PTH2R: variants seen among roughly 807,000 people sequenced by gnomAD.
PTH2R encodes PTH2 receptor.
A neutral mutation model predicts 60.3 loss-of-function variants in PTH2R; 59 were observed. That is an observed-to-expected ratio of 0.98 (90% CI 0.79 to 1.22). The LOEUF (loss-of-function observed/expected upper bound fraction) is 1.22, where lower values mean the gene tolerates loss of function less well. Among genes scored for constraint, PTH2R ranks in the 50% most tolerant of loss-of-function variants. The pLI is 0.00. For synonymous variants in PTH2R, 256 were observed against 243.8 expected (o/e 1.05, Z -0.47); for missense variants, 749 against 682.6 (o/e 1.10, Z -1.08).
chr2:208,438,954 G>C (rs182518594), intron 4 of PTH2R, among the ~76,000 whole-genome samples: 1 of 152,200 alleles, frequency 6.6e-6, no homozygotes, highest in Admixed American at 6.5e-5. Flanking sequence ...TCAATATGAG[G>C]AGATTGTTAG....
chr2:208,409,678 T>G (rs892743928), intron 1 of PTH2R, among the ~76,000 whole-genome samples: 1 of 152,124 alleles, frequency 6.6e-6, no homozygotes, highest in African/African-American at 2.4e-5. Flanking sequence ...AGACCAGTGC[T>G]CATCAATTGT....
At chr2:208,458,355 A>G (rs1331288435) in intron 8 of PTH2R, among the ~76,000 whole-genome samples, 1 of 152,220 alleles carries the variant, frequency 6.6e-6, no homozygotes, top group Non-Finnish European at 1.5e-5. Context: ...TATAATTTTT[A>G]AATTAAGTAC....
chr2:208,374,259 CTCTT>C (rs1408224036), intron 1 of PTH2R, among the ~76,000 whole-genome samples: 1 of 152,020 alleles, frequency 6.6e-6, no homozygotes, highest in African/African-American at 2.4e-5. Context: ...CTTTGGCTGA[CTCTT>C]TCTCCAAAAA....
rs200415935 is a variant in PTH2R at position 208,407,097 on chromosome 2, C to A, written c.54C>A (p.Ser18Arg). 5 of 1,396,314 alleles carry A rather than the reference C, an allele frequency of 3.6e-6. No individual in the cohort carries two copies. In the Admixed American group the frequency reaches 1.5e-4, roughly 42 times the overall value. The allele number at this position is 1,396,314 out of a possible 1,614,324, so 86.5% of individuals were successfully genotyped here. A position where few individuals can be genotyped will look rare whatever the true frequency, so the allele number is the denominator to read the frequency against. ...TCTGGGGTTGGCTAATGCTCGGCAG[C>A]TGCCTCCTGGCCAGAGCCCAGGTAA... The part of the protein sequence containing the change: ...LHVWGWLMLG[S>R]CLLARAQLDS... Residue 18 changes from serine to arginine, a missense_variant, in exon 1 of 13, where the codon AGC becomes AGA. Transcript: ENST00000272847.
chr2:208,397,501 G>C (rs1240713980), intron 1 of PTH2R, among the ~76,000 whole-genome samples: 2 of 152,172 alleles, frequency 1.3e-5, no homozygotes, highest in East Asian at 3.9e-4. Context: ...GACACATGTG[G>C]AGTGGCTTTA....
chr2:208,452,068 C>A (rs1422846306), intron 8 of PTH2R, among the ~76,000 whole-genome samples: 2 of 152,154 alleles, frequency 1.3e-5, no homozygotes, highest in Non-Finnish European at 2.9e-5. Context: ...GTATAGATGA[C>A]ATTAATACAT....
intron 9 of PTH2R, among the ~76,000 whole-genome samples, chr2:208,478,391 C>A (rs1703067908): frequency 6.6e-6 from 1 of 151,274 alleles, no homozygotes; most frequent in Admixed American, 6.6e-5. Context: ...TTTTCAGCTT[C>A]TAGAGGCCAC....
At chr2:208,375,557 C>T (rs1050803396) in intron 1 of PTH2R, among the ~76,000 whole-genome samples, 1 of 152,116 alleles carries the variant, frequency 6.6e-6, no homozygotes, top group Non-Finnish European at 1.5e-5. Flanking sequence ...TGCTTGTTTT[C>T]CCTTTAGAAT....
chr2:208,401,351 A>G (rs144935300), intron 1 of PTH2R, among the ~76,000 whole-genome samples: 8 of 152,184 alleles, frequency 5.3e-5, no homozygotes, highest in Admixed American at 1.3e-4. Flanking sequence ...TAGGATTAGC[A>G]TCTGTCCCCT....
chr2:208,373,343 C>T (rs1306928122), intron 1 of PTH2R, among the ~76,000 whole-genome samples: 1 of 151,894 alleles, frequency 6.6e-6, no homozygotes. Context: ...AAAATAAAAG[C>T]AATGAAGAGA....
At chr2:208,367,533 C>A (rs188633833) in intron 1 of PTH2R, among the ~76,000 whole-genome samples, 4 of 148,284 alleles carry the variant, frequency 2.7e-5, no homozygotes, top group African/African-American at 7.4e-5. Flanking sequence ...CGATTTCTGG[C>A]TAATTTTTGT....
At chr2:208,427,617 T>A (rs1175588299) in intron 1 of PTH2R, among the ~76,000 whole-genome samples, 1 of 152,174 alleles carries the variant, frequency 6.6e-6, no homozygotes, top group African/African-American at 2.4e-5. Context: ...TAGAAAATAA[T>A]ACCCAGCTAC....
At chr2:208,465,388 CTTTTTTTTTTTTTTTTTTT>C (rs60871321) in intron 9 of PTH2R, among the ~76,000 whole-genome samples, 3 of 39,904 alleles carry the variant, frequency 7.5e-5, no homozygotes, top group East Asian at 1.9e-3. Context: ...ATTTGTAAGT[CTTTTTTTTTTTTTTTTTTT>C]TTTTTTTTTT....
intron 1 of PTH2R, among the ~76,000 whole-genome samples, chr2:208,396,961 G>A (rs966638811): frequency 2.0e-5 from 3 of 152,126 alleles, no homozygotes; most frequent in African/African-American, 7.2e-5. Flanking sequence ...ATATACCATG[G>A]AATACTATGC....
chr2:208,493,526 A>T lies in PTH2R; in HGVS notation c.1520A>T (p.His507Leu). ...WSNSEQDCLPHSFHEETKEDS... is the reference protein window; with the variant it reads ...WSNSEQDCLPLSFHEETKEDS... ...AACTCAGAGCAGGACTGCCTGCCAC[A>T]CTCTTTCCACGAGGAGACCAAGGAA... Residue 507 changes from histidine (H) to leucine (L), a missense_variant, in exon 13 of 13, where the codon CAC becomes CTC. By Grantham distance (99) the His-to-Leu change is moderately conservative. Coordinates refer to ENST00000272847, the MANE Select transcript of PTH2R (RefSeq NM_005048.4). 1 of 1,613,942 alleles carries T rather than the reference A, an allele frequency of 6.2e-7. No individual in the cohort carries two copies. Among genetic ancestry groups the T allele is most frequent in the Non-Finnish European group, 8.5e-7 (1 of 1,179,888 alleles).
intron 9 of PTH2R, among the ~76,000 whole-genome samples, chr2:208,478,366 G>A (rs375377560): frequency 6.6e-6 from 1 of 152,002 alleles, no homozygotes; most frequent in African/African-American, 2.4e-5. Context: ...GAGGTGCTGG[G>A]GGGAGTCCTT....
chr2:208,377,026 A>G lies in PTH2R; in HGVS notation c.-259+16789A>G, dbSNP rs541987169. ...TAGGCAGAGGACCCTGCGGGCTTCC[A>G]CAGTATTTGTGTCCCTGGGTACTTG... On this transcript the variant is annotated intron_variant, in intron 1 of 12. Coordinates refer to the PTH2R transcript ENST00000617735. Among the ~76,000 whole-genome samples the G allele has an allele frequency of 1.6e-4, 25 of 152,060 alleles. 1 individual carries two copies. The highest frequency in any genetic ancestry group is 6.1e-4 in the African/African-American group (25 of 41,300).
intron 2 of PTH2R, among the ~76,000 whole-genome samples, chr2:208,429,115 A>C (rs1323207627): frequency 1.3e-5 from 2 of 151,400 alleles, no homozygotes; most frequent in African/African-American, 4.9e-5. Context: ...GTTGAGACTT[A>C]ATGTCTTATA....
In PTH2R at chr2:208,370,472, A is replaced by G. The variant is rs1428247231; in HGVS notation, c.-259+10235A>G. On this transcript the variant is annotated intron_variant, in intron 1 of 12. Transcript: ENST00000617735. ...AAAAAAAAAAAAAAAAAAAAAAAAA[A>G]AAAGAAAGGTCAACATTCTACGTTA... Among the ~76,000 whole-genome samples, 24 of 122,656 alleles carry G rather than the reference A, an allele frequency of 2.0e-4. No homozygotes were observed. In the East Asian group the frequency reaches 4.9e-3, roughly 25 times the overall value. 80.5% of individuals were successfully genotyped at this position (122,656 alleles called of 152,430 possible).
Sources: gnomAD v4.1 joint callset for allele counts (sites outside exome capture counted in the v4.1 genomes callset) on GRCh38, gnomAD v4.1.1 for gene constraint, MANE v1.5 for transcripts, NCBI Gene and HGNC (gene_info 2026-07-23, HGNC 2026-07-21) for gene names.